Variants in SNRPD3 observed in about 807,000 individuals in gnomAD.
The protein encoded by SNRPD3 is small nuclear ribonucleoprotein Sm D3.
For missense variants in SNRPD3, 73 were observed against 167.5 expected, an observed-to-expected ratio of 0.44 and a Z score of 3.11; for synonymous variants, 66 against 58.4, an observed-to-expected ratio of 1.13 and a Z score of -0.59.
intron 2 of SNRPD3, among the ~76,000 whole-genome samples, chr22:24,564,946 T>C: frequency 6.7e-6 from 1 of 149,346 alleles, no homozygotes; most frequent in East Asian, 2.0e-4. Flanking sequence ...TGCAGTGTCA[T>C]AATCATAGCT....
intron 3 of SNRPD3, among the ~76,000 whole-genome samples, chr22:24,570,401 G>A (rs2045238383): frequency 6.6e-6 from 1 of 152,188 alleles, no homozygotes; most frequent in South Asian, 2.1e-4. Context: ...AATAGTGTGA[G>A]GGGCCGGGCG....
At chr22:24,567,803 T>C (rs919495646) in intron 2 of SNRPD3, among the ~76,000 whole-genome samples, 181 bp from the exon 3 acceptor site, 3 of 152,006 alleles carry the variant, frequency 2.0e-5, no homozygotes, top group Non-Finnish European at 4.4e-5. Flanking sequence ...GAGGACTGTT[T>C]AGGTAAAGTG....
rs2045257360 is a variant in SNRPD3 at position 24,572,355 on chromosome 22, C to A, written c.*378C>A. The A allele has an allele frequency of 1.8e-6, 1 of 559,730 alleles. No individual in the cohort carries two copies. Among genetic ancestry groups the A allele is most frequent in the Non-Finnish European group, 3.2e-6 (1 of 314,942 alleles). 34.7% of individuals were successfully genotyped at this position (559,730 alleles called of 1,614,324 possible). ...CTCCGAGAACACACAGATTGTGTCT[C>A]ATTCATCTTCAGACACAGGCACATA... On this transcript the variant is annotated 3_prime_UTR_variant, in exon 4 of 4. Coordinates refer to ENST00000215829, the MANE Select transcript of SNRPD3 (RefSeq NM_004175.5).
At chr22:24,557,854 G>A (rs1159012891) in intron 2 of SNRPD3, 54 bp downstream of exon 2, 2 of 1,544,192 alleles carry the variant, frequency 1.3e-6, no homozygotes, top group Non-Finnish European at 1.7e-6. Flanking sequence ...GTGTCTTGAA[G>A]GACAGAAAAG....
In SNRPD3 at chr22:24,557,719, C is replaced by G; in HGVS notation, c.45C>G (p.Gly15=). ...TTAAAGTACTGCATGAGGCCGAGGGCCACATTGTGACATGTGAGACGAACA... is the reference window on the plus strand; with the variant it reads ...TTAAAGTACTGCATGAGGCCGAGGGGCACATTGTGACATGTGAGACGAACA... The part of the protein sequence containing the change: ...VPIKVLHEAE[G]HIVTCETNTG... Residue 15 remains glycine (G), a synonymous_variant, in exon 2 of 4, where the codon GGC becomes GGG. Coordinates refer to ENST00000215829, the MANE Select transcript of SNRPD3 (RefSeq NM_004175.5). 1 of 1,612,118 alleles carries G rather than the reference C, an allele frequency of 6.2e-7. No individual in the cohort carries two copies. Among genetic ancestry groups the G allele is most frequent in the Non-Finnish European group, 8.5e-7 (1 of 1,178,634 alleles).
At chr22:24,561,064 C>T (rs866865615) in intron 2 of SNRPD3, among the ~76,000 whole-genome samples, 205 of 61,736 alleles carry the variant, frequency 3.3e-3, no homozygotes, top group Admixed American at 3.9e-3. Context: ...TTTTTCTTTT[C>T]TTTTTTTTTT....
chr22:24,560,884 C>T (rs1250759382), intron 2 of SNRPD3, among the ~76,000 whole-genome samples: 3 of 150,838 alleles, frequency 2.0e-5, no homozygotes, highest in East Asian at 3.9e-4. Flanking sequence ...CATGGGCCAC[C>T]GTACCCCACT....
chr22:24,566,326 C>T (rs2045196374), intron 2 of SNRPD3, among the ~76,000 whole-genome samples: 1 of 152,176 alleles, frequency 6.6e-6, no homozygotes, highest in East Asian at 1.9e-4. Flanking sequence ...GGCTAGGGTG[C>T]AGTGGCTCCA....
intron 2 of SNRPD3, among the ~76,000 whole-genome samples, chr22:24,565,593 C>G (rs1229075737): frequency 6.6e-6 from 1 of 152,110 alleles, no homozygotes; most frequent in African/African-American, 2.4e-5. Flanking sequence ...GGTCTTTAGG[C>G]CTATTTTGTG....
chr22:24,561,744 TATA>T (rs1479210035), intron 2 of SNRPD3, among the ~76,000 whole-genome samples: 4 of 152,220 alleles, frequency 2.6e-5, no homozygotes, highest in African/African-American at 7.2e-5. Context: ...TGGCTACTCC[TATA>T]ATCCCAACAC....
Position 24,556,024 on chromosome 22 carries a change from T to C in SNRPD3, c.-66T>C. On this transcript the variant is annotated 5_prime_UTR_variant, in exon 1 of 4. Transcript: ENST00000215829. The stretch of plus-strand genomic sequence containing the variant: ...ATTCGCTTGACTCACGCCTTCGCCG[T>C]AGCATCTTTCGCAGCGGACCGAAGA... 2 of 630,080 alleles carry C rather than the reference T, an allele frequency of 3.2e-6. No individual in the cohort carries two copies. The highest frequency in any genetic ancestry group is 5.5e-6 in the Non-Finnish European group (2 of 363,186). The allele number at this position is 630,080 out of a possible 1,614,324, so 39.0% of individuals were successfully genotyped here. A position where few individuals can be genotyped will look rare whatever the true frequency, so the allele number is the denominator to read the frequency against.
intron 3 of SNRPD3, among the ~76,000 whole-genome samples, chr22:24,568,851 G>A (rs750300724): frequency 2.0e-5 from 3 of 152,100 alleles, no homozygotes; most frequent in African/African-American, 4.8e-5. Flanking sequence ...CACTGCGCCC[G>A]GCTTATTTTT....
chr22:24,568,210 A>C, intron 3 of SNRPD3, 34 bp downstream of exon 3: 1 of 1,552,640 alleles, frequency 6.4e-7, no homozygotes, highest in Non-Finnish European at 8.8e-7. Flanking sequence ...TTTAAAATAT[A>C]GGTTTGTCTT....
intron 2 of SNRPD3, among the ~76,000 whole-genome samples, chr22:24,560,365 G>T (rs972235409): frequency 2.7e-5 from 4 of 146,864 alleles, no homozygotes; most frequent in African/African-American, 1.0e-4. Flanking sequence ...CTTGTGATCT[G>T]CTCGCCTCGA....
chr22:24,556,270 A>G (rs141808567), intron 1 of SNRPD3, among the ~76,000 whole-genome samples, 199 bp downstream of exon 1: 194 of 152,182 alleles, frequency 1.3e-3, no homozygotes, highest in Non-Finnish European at 2.4e-3. Context: ...TGCTTCTCAC[A>G]TTCTGTATCT....
Position 24,557,673 on chromosome 22 carries a change from A to G in SNRPD3, c.-2A>G. 1 of 1,612,504 alleles carries G rather than the reference A, an allele frequency of 6.2e-7. No homozygotes were observed. Among genetic ancestry groups the G allele is most frequent in the Non-Finnish European group, 8.5e-7 (1 of 1,179,132 alleles). ...TCATTGTAGAACTCTCTTCCTGCCA[A>G]GATGTCTATTGGTGTGCCGATTAAA... On this transcript the variant is annotated 5_prime_UTR_variant, in exon 2 of 4. Transcript: ENST00000215829.
chr22:24,555,786 G>A, upstream of SNRPD3: 1 of 1,549,800 alleles, frequency 6.5e-7, no homozygotes, highest in Non-Finnish European at 8.7e-7. Flanking sequence ...GCTCTTTGCC[G>A]GCCCCAAGGG....
chr22:24,568,147 G>A lies in SNRPD3; in HGVS notation c.290G>A (p.Arg97Gln), dbSNP rs747425034. Residue 97 changes from arginine (R) to glutamine (Q), a missense_variant, in exon 3 of 4, where the codon CGA becomes CAA. Arg to Gln is a conservative substitution (Grantham distance 43, BLOSUM62 1). Transcript: ENST00000215829. ...AAAAACCAAGGCTCAGGGGCTGGCCGAGGAAAAGCTGCTATTCTCAAGGCC... is the reference window on the plus strand; with the variant it reads ...AAAAACCAAGGCTCAGGGGCTGGCCAAGGAAAAGCTGCTATTCTCAAGGCC... ...KNKNQGSGAG[R>Q]GKAAILKAQV... The A allele has an allele frequency of 3.1e-6, 5 of 1,613,394 alleles. No homozygotes were observed. Among genetic ancestry groups the A allele is most frequent in the Middle Eastern group, 1.7e-4 (1 of 6,056 alleles).
chr22:24,568,900 G>T (rs1055262032), intron 3 of SNRPD3, among the ~76,000 whole-genome samples: 1 of 152,104 alleles, frequency 6.6e-6, no homozygotes. Context: ...GTAGAGATGG[G>T]ATTTCACCAT....
Sources: allele counts gnomAD v4.1 joint callset (sites outside exome capture counted in the v4.1 genomes callset), GRCh38; gene constraint gnomAD v4.1.1; transcripts MANE v1.5; gene names NCBI Gene and HGNC (gene_info 2026-07-23, HGNC 2026-07-21).